The following FKBP10 variants were observed in gnomAD, a reference collection of about 807,000 sequenced individuals.
FKBP10 encodes the protein peptidyl-prolyl cis-trans isomerase FKBP10.
Under a neutral mutation model 53.7 loss-of-function variants are expected in FKBP10, and 34 were observed. The ratio of observed to expected loss-of-function variants is 0.63; its 90% CI spans 0.48 to 0.84. The LOEUF is 0.84. Ranked by LOEUF, FKBP10 falls within the 40% of genes least tolerant of loss-of-function variation. The probability of loss-of-function intolerance (pLI) is 0.00; values close to 1 mark genes in which losing one functional copy is unlikely to be tolerated. For synonymous variants in FKBP10, 324 were observed against 335.7 expected (o/e 0.97, Z 0.38); for missense variants, 748 against 797.8 (o/e 0.94, Z 0.75).
At position 41,813,230 on chromosome 17, in the gene FKBP10, C is replaced by T; in HGVS notation, c.196C>T (p.Arg66Cys). The change falls in exon 1 of 10, where the codon CGC becomes TGC. Residue 66 changes from arginine (R) to cysteine (C), a missense_variant. By Grantham distance (180) the Arg-to-Cys change is radical. Coordinates refer to ENST00000321562, the MANE Select transcript of FKBP10 (RefSeq NM_021939.4). ...GGAAGTGCAGATGGGGGATTTTGTGCGCTACCACTACAACGGCACTTTTGA... is the reference window on the plus strand; with the variant it reads ...GGAAGTGCAGATGGGGGATTTTGTGTGCTACCACTACAACGGCACTTTTGA... ...PREVQMGDFVRYHYNGTFEDG... is the reference protein window; with the variant it reads ...PREVQMGDFVCYHYNGTFEDG... 6.2e-7 allele frequency: 1 copy of T among 1,613,694 alleles called. No homozygotes were observed. The highest frequency in any genetic ancestry group is 8.5e-7 in the Non-Finnish European group (1 of 1,179,980).
In FKBP10 at chr17:41,813,236, C is replaced by G; in HGVS notation, c.202C>G (p.His68Asp). Residue 68 changes from histidine (H) to aspartate (D), a missense_variant, in exon 1 of 10, where the codon CAC becomes GAC. His to Asp is a moderately conservative substitution (Grantham distance 81). Coordinates refer to ENST00000321562, the MANE Select transcript of FKBP10 (RefSeq NM_021939.4). ...GCAGATGGGGGATTTTGTGCGCTAC[C>G]ACTACAACGGCACTTTTGAAGATGG... is the stretch of plus-strand genomic sequence containing the variant. ...EVQMGDFVRY[H>D]YNGTFEDGKK... The G allele has an allele frequency of 6.2e-7, 1 of 1,613,782 alleles. No homozygotes were observed. Among genetic ancestry groups the G allele is most frequent in the Non-Finnish European group, 8.5e-7 (1 of 1,179,990 alleles).
intron 4 of FKBP10, 43 bp from the exon 5 acceptor site, chr17:41,819,167 C>T (rs2047854807): frequency 6.2e-7 from 1 of 1,607,084 alleles, no homozygotes; most frequent in African/African-American, 1.3e-5. Flanking sequence ...GGAGCCTCGG[C>T]TTGCTCCCCA....
intron 9 of FKBP10, 148 bp downstream of exon 9, chr17:41,821,965 T>C: frequency 9.7e-7 from 1 of 1,032,350 alleles, no homozygotes; most frequent in Non-Finnish European, 1.4e-6. Flanking sequence ...TCCTTGTCCC[T>C]GCTTTTTCCT....
chr17:41,818,553 G>A (rs1555616464), intron 4 of FKBP10, 26 bp downstream of exon 4: 1 of 1,613,786 alleles, frequency 6.2e-7, no homozygotes, highest in African/African-American at 1.3e-5. Context: ...GACACAAGGG[G>A]AAATTCCGCA....
chr17:41,813,124 G>A lies in FKBP10; in HGVS notation c.90G>A (p.Gly30=). 1 of 1,611,456 alleles carries A rather than the reference G, an allele frequency of 6.2e-7. No homozygotes were observed. The part of the protein sequence containing the change: ...LLLVVQAVGR[G]LGRASPAGGP... The stretch of plus-strand genomic sequence containing the variant: ...TGGTGGTGCAGGCCGTGGGGAGGGG[G>A]CTGGGCCGCGCCAGCCCGGCCGGGG... The change falls in exon 1 of 10, where the codon GGG becomes GGA. Residue 30 remains glycine, a synonymous_variant. Coordinates refer to ENST00000321562, the MANE Select transcript of FKBP10 (RefSeq NM_021939.4).
chr17:41,814,700 A>G (rs2047793225), intron 1 of FKBP10, among the ~76,000 whole-genome samples: 1 of 152,138 alleles, frequency 6.6e-6, no homozygotes, highest in African/African-American at 2.4e-5. Flanking sequence ...GTCATCCCTG[A>G]TGGGGACTCT....
Position 41,818,139 on chromosome 17 carries a change from G to A in FKBP10, c.442G>A (p.Asp148Asn), listed in dbSNP as rs144280292. The change falls in exon 3 of 10, where the codon GAT becomes AAT. Residue 148 changes from aspartate (D) to asparagine (N), a missense_variant. Physicochemically the swap from Asp to Asn is conservative, Grantham distance 23. Coordinates refer to ENST00000321562, the MANE Select transcript of FKBP10 (RefSeq NM_021939.4). Reference protein sequence around the residue: ...ATLYFDVVLLDVWNKEDTVQV... With the variant: ...ATLYFDVVLLNVWNKEDTVQV... Reference sequence around the variant, plus strand: ...CCTCTACTTCGATGTGGTTCTGCTGGATGTGTGGAACAAGGAAGACACCGT... The same window carrying A: ...CCTCTACTTCGATGTGGTTCTGCTGAATGTGTGGAACAAGGAAGACACCGT... The A allele has an allele frequency of 6.8e-6, 11 of 1,613,842 alleles. No individual in the cohort carries two copies. The highest frequency in any genetic ancestry group is 9.3e-6 in the Non-Finnish European group (11 of 1,179,918).
intron 3 of FKBP10, 41 bp downstream of exon 3, chr17:41,818,319 G>C: frequency 6.2e-7 from 1 of 1,614,090 alleles, no homozygotes; most frequent in Non-Finnish European, 8.5e-7. Context: ...TGGGGACTGT[G>C]GCATGGGGAG....
chr17:41,817,350 G>A, intron 2 of FKBP10, 147 bp downstream of exon 2: 1 of 1,138,958 alleles, frequency 8.8e-7, no homozygotes, highest in Non-Finnish European at 1.2e-6. Flanking sequence ...GGCAGCTCTG[G>A]CTGGGGCAGT....
Position 41,819,530 on chromosome 17 carries a change from C to G in FKBP10, c.918C>G (p.Ser306Arg), listed in dbSNP as rs781880713. Residue 306 changes from serine (S) to arginine (R), a missense_variant and splice_region_variant, in exon 6 of 10, where the codon AGC becomes AGG. Coordinates refer to ENST00000321562, the MANE Select transcript of FKBP10 (RefSeq NM_021939.4). Reference protein sequence around the residue: ...SLMDGTLFDSSYSRNHTYNTY... With the variant: ...SLMDGTLFDSRYSRNHTYNTY... ...CTGGCCCTCCCGCCTTGTATTGCAG[C>G]TACTCCCGCAACCACACCTACAATA... 6.2e-7 allele frequency: 1 copy of G among 1,614,138 alleles called. No individual in the cohort carries two copies. Among genetic ancestry groups the G allele is most frequent in the Admixed American group, 1.7e-5 (1 of 60,024 alleles).
Position 41,821,066 on chromosome 17 carries a change from A to T in FKBP10, c.1376A>T (p.His459Leu), listed in dbSNP as rs2047885440. 2.0e-6 allele frequency: 3 copies of T among 1,512,782 alleles called. No individual in the cohort carries two copies. The South Asian group carries it at 3.5e-5, about 18-fold the overall frequency. The allele number at this position is 1,512,782 out of a possible 1,614,324, so 93.7% of individuals were successfully genotyped here. The change falls in exon 8 of 10, where the codon CAC becomes CTC. Residue 459 changes from histidine to leucine, a missense_variant. His to Leu is a moderately conservative substitution (Grantham distance 99). Coordinates refer to ENST00000321562, the MANE Select transcript of FKBP10 (RefSeq NM_021939.4). The stretch of plus-strand genomic sequence containing the variant: ...AGGCGGCAGCTCATCGTGCCCCCGC[A>T]CCTGGCCCACGGGGAGAGTGGAGGT... Reference protein sequence around the residue: ...GERRQLIVPPHLAHGESGARG... With the variant: ...GERRQLIVPPLLAHGESGARG...
chr17:41,813,334 C>T, intron 1 of FKBP10, 55 bp downstream of exon 1: 1 of 1,611,258 alleles, frequency 6.2e-7, no homozygotes, highest in Non-Finnish European at 8.5e-7. Context: ...AACCCGGGGT[C>T]CTGTTTCCTT....
At position 41,817,263 on chromosome 17, in the gene FKBP10, C is replaced by A. The variant is rs1480350564; in HGVS notation, c.391+60C>A. On this transcript the variant is annotated intron_variant, in intron 2 of 9. Transcript: ENST00000321562. ...GAGACCACGAGGCAGAATCAGGGATCCTGGGGTGAGAAAACTGAAGTGCGG... is the reference window on the plus strand; with the variant it reads ...GAGACCACGAGGCAGAATCAGGGATACTGGGGTGAGAAAACTGAAGTGCGG... 8 of 1,596,466 alleles carry A rather than the reference C, an allele frequency of 5.0e-6. No individual in the cohort carries two copies. In the African/African-American group the frequency reaches 1.1e-4, roughly 21 times the overall value.
intron 2 of FKBP10, 76 bp from the exon 3 acceptor site, chr17:41,818,013 G>A: frequency 1.4e-6 from 2 of 1,428,078 alleles, no homozygotes; most frequent in Non-Finnish European, 1.9e-6. Flanking sequence ...AGAGGAAGGG[G>A]AATAACAGGG....
At chr17:41,821,118 T>C in intron 8 of FKBP10, 29 bp downstream of exon 8, 1 of 1,379,808 alleles carries the variant, frequency 7.2e-7, no homozygotes. Context: ...AATCTTTTTT[T>C]TTTTTTTTTT....
intron 1 of FKBP10, among the ~76,000 whole-genome samples, chr17:41,815,910 C>T (rs2047809884): frequency 1.3e-5 from 2 of 151,762 alleles, no homozygotes; most frequent in African/African-American, 2.4e-5. Flanking sequence ...GAGGCCCAGG[C>T]AGGCAGATCA....
Position 41,817,223 on chromosome 17 carries a change from A to G in FKBP10, c.391+20A>G. The G allele has an allele frequency of 6.2e-7, 1 of 1,610,344 alleles. No individual in the cohort carries two copies. Among genetic ancestry groups the G allele is most frequent in the Non-Finnish European group, 8.5e-7 (1 of 1,179,964 alleles). The stretch of plus-strand genomic sequence containing the variant: ...GCCTGGGTGAGAAGGGCTGGGGCAC[A>G]GGCCGGGGGTGGAGGAGACCACGAG... On this transcript the variant is annotated intron_variant, in intron 2 of 9. Coordinates refer to ENST00000321562, the MANE Select transcript of FKBP10 (RefSeq NM_021939.4).
chr17:41,814,911 T>G (rs1391693607), intron 1 of FKBP10, among the ~76,000 whole-genome samples: 1 of 152,010 alleles, frequency 6.6e-6, no homozygotes, highest in Non-Finnish European at 1.5e-5. Context: ...TTTTGTTTGT[T>G]TGTTTGTTTT....
intron 4 of FKBP10, 45 bp from the exon 5 acceptor site, chr17:41,819,165 G>A (rs782820953): frequency 1.2e-5 from 19 of 1,605,920 alleles, no homozygotes; most frequent in East Asian, 2.2e-5. Flanking sequence ...AAGGAGCCTC[G>A]GCTTGCTCCC....
Sources: gnomAD v4.1 joint callset for allele counts (sites outside exome capture counted in the v4.1 genomes callset) on GRCh38, gnomAD v4.1.1 for gene constraint, MANE v1.5 for transcripts, NCBI Gene and HGNC (gene_info 2026-07-23, HGNC 2026-07-21) for gene names.